Variants in EDIL3 observed in about 807,000 individuals in gnomAD.
EDIL3 encodes EGF like and discoidin domains 3.
Under a neutral mutation model 67.4 loss-of-function variants are expected in EDIL3, and 37 were observed. That is an observed-to-expected ratio of 0.55 (90% CI 0.42 to 0.72). EDIL3 has a LOEUF of 0.72. Ranked by LOEUF, EDIL3 falls within the 30% of genes least tolerant of loss-of-function variation. The probability of loss-of-function intolerance (pLI) is 0.00; values close to 1 mark genes in which losing one functional copy is unlikely to be tolerated. For synonymous variants in EDIL3, 195 were observed against 196.3 expected (o/e 0.99, Z 0.05); for missense variants, 527 against 586.3 (o/e 0.90, Z 1.04).
chr5:84,363,488 T>C (rs1747658036), intron 1 of EDIL3, among the ~76,000 whole-genome samples: 1 of 151,684 alleles, frequency 6.6e-6, no homozygotes. Context: ...TAAGTTATAG[T>C]CCATATATGA....
At chr5:84,024,852 A>C (rs985473735) in intron 9 of EDIL3, among the ~76,000 whole-genome samples, 3 of 151,808 alleles carry the variant, frequency 2.0e-5, no homozygotes, top group Non-Finnish European at 4.4e-5. Flanking sequence ...TATCTCTCTA[A>C]GTAGCTTCCT....
At chr5:84,347,159 T>G (rs1185440080) in intron 1 of EDIL3, among the ~76,000 whole-genome samples, 1 of 152,182 alleles carries the variant, frequency 6.6e-6, no homozygotes, top group Non-Finnish European at 1.5e-5. Context: ...TGTCCTTTTG[T>G]CCACATGTTC....
chr5:84,302,104 A>G (rs1746174717), intron 1 of EDIL3, among the ~76,000 whole-genome samples: 1 of 152,194 alleles, frequency 6.6e-6, no homozygotes, highest in Admixed American at 6.5e-5. Context: ...TGTCTCAAAA[A>G]TCAGTCATTT....
intron 3 of EDIL3, among the ~76,000 whole-genome samples, chr5:84,184,762 C>G (rs950975882): frequency 2.6e-5 from 4 of 152,144 alleles, no homozygotes; most frequent in Non-Finnish European, 5.9e-5. Flanking sequence ...ACAGGTGAAG[C>G]CTGTCCAGCA....
At chr5:84,054,035 T>A (rs1359296400) in intron 9 of EDIL3, among the ~76,000 whole-genome samples, 1 of 152,278 alleles carries the variant, frequency 6.6e-6, no homozygotes, top group East Asian at 1.9e-4. Context: ...ATATCCCTGA[T>A]GAACATCGAT....
chr5:83,944,947 C>G (rs1321939678), intron 10 of EDIL3, among the ~76,000 whole-genome samples: 1 of 151,888 alleles, frequency 6.6e-6, no homozygotes, highest in East Asian at 1.9e-4. Flanking sequence ...TTTCAGCATT[C>G]TGAAATTAAA....
chr5:84,004,640 T>G (rs1351192045), intron 9 of EDIL3, among the ~76,000 whole-genome samples: 1 of 152,048 alleles, frequency 6.6e-6, no homozygotes, highest in Non-Finnish European at 1.5e-5. Context: ...TTGAAACTAA[T>G]GAAAACAATA....
chr5:84,384,441 G>T lies in EDIL3; in HGVS notation c.-67C>A. The T allele has an allele frequency of 6.8e-7, 1 of 1,480,020 alleles. No homozygotes were observed. The highest frequency in any genetic ancestry group is 9.4e-7 in the Non-Finnish European group (1 of 1,064,228). The allele number at this position is 1,480,020 out of a possible 1,614,324, so 91.7% of individuals were successfully genotyped here. Reference sequence around the variant, plus strand: ...TCGCGGAGGGCAGTGTAGCCGAGGTGGCAGCGCAGGGCAGCAGCAGACTCC... The same window carrying T: ...TCGCGGAGGGCAGTGTAGCCGAGGTTGCAGCGCAGGGCAGCAGCAGACTCC... On this transcript the variant is annotated 5_prime_UTR_variant, in exon 1 of 11. Transcript: ENST00000296591.
chr5:84,239,779 C>T (rs1232764471), intron 2 of EDIL3, among the ~76,000 whole-genome samples: 4 of 152,160 alleles, frequency 2.6e-5, no homozygotes, highest in Non-Finnish European at 1.5e-5. Context: ...TAAAGACATA[C>T]TTTCAATCTT....
chr5:84,120,673 T>C (rs931867556), intron 5 of EDIL3, among the ~76,000 whole-genome samples: 2 of 151,990 alleles, frequency 1.3e-5, no homozygotes, highest in Non-Finnish European at 2.9e-5. Context: ...TATCCAAATA[T>C]CATCCTGACT....
chr5:84,372,100 G>A (rs1013620310), intron 1 of EDIL3, among the ~76,000 whole-genome samples: 2 of 152,010 alleles, frequency 1.3e-5, no homozygotes, highest in Admixed American at 6.6e-5. Flanking sequence ...CGTATGTGGC[G>A]GTATTTTAGG....
chr5:84,376,897 GT>G (rs1353815028), intron 1 of EDIL3, among the ~76,000 whole-genome samples: 1 of 152,158 alleles, frequency 6.6e-6, no homozygotes, highest in Non-Finnish European at 1.5e-5. Flanking sequence ...TTTGGTTTTT[GT>G]TTGTCTGTAA....
At chr5:84,266,177 G>C (rs1745341085) in intron 1 of EDIL3, among the ~76,000 whole-genome samples, 1 of 152,158 alleles carries the variant, frequency 6.6e-6, no homozygotes, top group African/African-American at 2.4e-5. Flanking sequence ...TTAAGAACTT[G>C]AATACATTCA....
intron 3 of EDIL3, among the ~76,000 whole-genome samples, chr5:84,191,547 G>T (rs1743585932): frequency 6.6e-6 from 1 of 152,062 alleles, no homozygotes; most frequent in Admixed American, 6.6e-5. Flanking sequence ...ATTCTGGCCA[G>T]CTGGCCATCT....
chr5:84,164,522 A>G (rs1325179968), intron 4 of EDIL3, among the ~76,000 whole-genome samples: 4 of 152,122 alleles, frequency 2.6e-5, no homozygotes, highest in Non-Finnish European at 1.5e-5. Context: ...CCTGCCAAGT[A>G]GTGGTAAATA....
At chr5:83,976,807 A>G (rs1744884353) in intron 9 of EDIL3, among the ~76,000 whole-genome samples, 1 of 151,822 alleles carries the variant, frequency 6.6e-6, no homozygotes, top group South Asian at 2.1e-4. Context: ...CCTAAATAAT[A>G]ATATTTAGTC....
At chr5:83,984,291 G>A (rs1182810304) in intron 9 of EDIL3, among the ~76,000 whole-genome samples, 1 of 152,066 alleles carries the variant, frequency 6.6e-6, no homozygotes. Context: ...GGGAATATAA[G>A]GGGTTCTGGA....
chr5:84,209,163 G>A (rs1744058329), intron 3 of EDIL3, among the ~76,000 whole-genome samples: 2 of 151,566 alleles, frequency 1.3e-5, no homozygotes, highest in Admixed American at 1.3e-4. Flanking sequence ...CTCATAGATG[G>A]GAATTGAACA....
intron 4 of EDIL3, among the ~76,000 whole-genome samples, chr5:84,168,448 T>G (rs956270518): frequency 6.6e-6 from 1 of 152,142 alleles, no homozygotes; most frequent in Non-Finnish European, 1.5e-5. Context: ...TACCTATATA[T>G]GTATGAACAT....
Sources: gnomAD v4.1 joint callset for allele counts (sites outside exome capture counted in the v4.1 genomes callset) on GRCh38, gnomAD v4.1.1 for gene constraint, MANE v1.5 for transcripts, NCBI Gene and HGNC (gene_info 2026-07-23, HGNC 2026-07-21) for gene names.